FAR1: variants seen among roughly 807,000 people sequenced by gnomAD.
The protein encoded by FAR1 is fatty acyl-CoA reductase 1.
A neutral mutation model predicts 61.1 loss-of-function variants in FAR1; 22 were observed. The ratio of observed to expected loss-of-function variants is 0.36; its 90% confidence interval spans 0.26 to 0.51. The LOEUF is 0.51. Among genes scored for constraint, FAR1 ranks in the 20% least tolerant of loss-of-function variants. The pLI, the probability that FAR1 is intolerant of heterozygous loss-of-function variation, is 0.95. For synonymous variants in FAR1, 206 were observed against 209.7 expected (o/e 0.98, Z 0.15); for missense variants, 359 against 626.9 (o/e 0.57, Z 4.56).
At chr11:13,705,158 C>A (rs1848418926) in intron 3 of FAR1, among the ~76,000 whole-genome samples, 1 of 151,954 alleles carries the variant, frequency 6.6e-6, no homozygotes, top group African/African-American at 2.4e-5. Flanking sequence ...TTTTGTACCC[C>A]CCTCCCAAAA....
In FAR1 at chr11:13,720,302, T is replaced by G. The variant is rs1052062100; in HGVS notation, c.1128-1428T>G. 9 of 152,276 alleles carry G rather than the reference T, an allele frequency of 5.9e-5. No homozygotes were observed. In the South Asian group the frequency reaches 8.3e-4, roughly 14 times the overall value. 9.4% of individuals were successfully genotyped at this position (152,276 alleles called of 1,614,324 possible). A position where few individuals can be genotyped will look rare whatever the true frequency, so the allele number is the denominator to read the frequency against. On this transcript the variant is annotated intron_variant, in intron 9 of 11. Coordinates refer to ENST00000354817, the MANE Select transcript of FAR1 (RefSeq NM_032228.6). ...TGTTAGCTGTGTGTGTGTGTGAGATTTAAGTATGCTAAACTGGCGTGATAG... is the reference window on the plus strand; with the variant it reads ...TGTTAGCTGTGTGTGTGTGTGAGATGTAAGTATGCTAAACTGGCGTGATAG...
intron 1 of FAR1, among the ~76,000 whole-genome samples, chr11:13,679,944 G>T (rs931835212): frequency 6.6e-6 from 1 of 152,060 alleles, no homozygotes; most frequent in East Asian, 1.9e-4. Flanking sequence ...GCCTTGGGGG[G>T]AAGTATTGGG....
At chr11:13,722,616 G>A (rs1848623031) in intron 10 of FAR1, among the ~76,000 whole-genome samples, 1 of 151,900 alleles carries the variant, frequency 6.6e-6, no homozygotes, top group Non-Finnish European at 1.5e-5. Flanking sequence ...TGGGATTACA[G>A]GCACATACCA....
Position 13,728,834 on chromosome 11 carries a change from A to G in FAR1, c.*60A>G, listed in dbSNP as rs1848692743. The G allele has an allele frequency of 1.4e-6, 2 of 1,480,244 alleles. No homozygotes were observed. The highest frequency in any genetic ancestry group is 2.3e-5 in the East Asian group (1 of 43,606). The allele number at this position is 1,480,244 out of a possible 1,614,324, so 91.7% of individuals were successfully genotyped here. A position where few individuals can be genotyped will look rare whatever the true frequency, so the allele number is the denominator to read the frequency against. ...ATGGTGATCTAAATGTACAAAATGT[A>G]AAATGTATAAGTCATCTCACTTTTT... On this transcript the variant is annotated 3_prime_UTR_variant, in exon 12 of 12. Coordinates refer to ENST00000354817, the MANE Select transcript of FAR1 (RefSeq NM_032228.6).
chr11:13,684,358 A>G (rs1351554494), intron 1 of FAR1, among the ~76,000 whole-genome samples: 2 of 152,240 alleles, frequency 1.3e-5, no homozygotes, highest in Non-Finnish European at 2.9e-5. Flanking sequence ...GAAATATTAC[A>G]GATCAGACTG....
chr11:13,711,678 T>C, intron 5 of FAR1, 86 bp from the exon 6 acceptor site: 1 of 971,168 alleles, frequency 1.0e-6, no homozygotes. Context: ...ACCAAGTATA[T>C]ATTTGGGGTT....
At chr11:13,673,450 G>A (rs1848033042) in intron 1 of FAR1, among the ~76,000 whole-genome samples, 1 of 152,182 alleles carries the variant, frequency 6.6e-6, no homozygotes, top group Non-Finnish European at 1.5e-5. Flanking sequence ...ACTTTCCAAG[G>A]TTGGAGAGCT....
chr11:13,726,049 T>C (rs1848664225), intron 10 of FAR1, among the ~76,000 whole-genome samples: 1 of 152,102 alleles, frequency 6.6e-6, no homozygotes. Flanking sequence ...TGTCCTTTAA[T>C]TTAGCAAGGT....
intron 1 of FAR1, among the ~76,000 whole-genome samples, chr11:13,685,188 A>G (rs941559592): frequency 2.0e-5 from 3 of 152,196 alleles, no homozygotes; most frequent in Non-Finnish European, 2.9e-5. Context: ...TAAGGTTGAC[A>G]GTAGACTTTT....
At chr11:13,687,039 G>A (rs1196807851) in intron 1 of FAR1, among the ~76,000 whole-genome samples, 1 of 152,154 alleles carries the variant, frequency 6.6e-6, no homozygotes, top group Non-Finnish European at 1.5e-5. Context: ...GTTTGGACTT[G>A]AACTCCTAGC....
At chr11:13,679,457 T>C (rs1451565896) in intron 1 of FAR1, among the ~76,000 whole-genome samples, 2 of 152,288 alleles carry the variant, frequency 1.3e-5, no homozygotes, top group East Asian at 1.9e-4. Context: ...ACTTAACTAA[T>C]TGTTAGAACT....
intron 8 of FAR1, among the ~76,000 whole-genome samples, chr11:13,713,381 A>G (rs1848521720): frequency 6.6e-6 from 1 of 151,962 alleles, no homozygotes; most frequent in Non-Finnish European, 1.5e-5. Flanking sequence ...TTGCCTATCC[A>G]TAGGCAGTAT....
At chr11:13,708,474 C>CACAT (rs753765140) in intron 4 of FAR1, among the ~76,000 whole-genome samples, 2 of 126,906 alleles carry the variant, frequency 1.6e-5, no homozygotes, top group South Asian at 5.5e-4. Context: ...CACACACACA[C>CACAT]ACATACATTT....
rs1248055609 is a variant in FAR1 at position 13,711,823 on chromosome 11, T to C, written c.768+15T>C. On this transcript the variant is annotated intron_variant, in intron 6 of 11. Transcript: ENST00000354817. ...TCTTTATTGCGGTAAGTAAACCTTT[T>C]GATTTATTTAATATTCTATACATTT... The C allele has an allele frequency of 1.9e-6, 3 of 1,590,752 alleles. No individual in the cohort carries two copies. The highest frequency in any genetic ancestry group is 4.5e-5 in the East Asian group (2 of 44,698).
intron 1 of FAR1, among the ~76,000 whole-genome samples, chr11:13,683,130 C>T (rs201617854): frequency 3.9e-5 from 6 of 152,184 alleles, no homozygotes; most frequent in African/African-American, 4.8e-5. Flanking sequence ...TGGTGGCTCA[C>T]GCCTGTAATC....
In FAR1 at chr11:13,712,919, G is replaced by A. The variant is rs770375619; in HGVS notation, c.888-47G>A. The A allele has an allele frequency of 1.5e-5, 22 of 1,493,388 alleles. 1 individual carries two copies. Among genetic ancestry groups the A allele is most frequent in the African/African-American group, 9.7e-5 (7 of 72,378 alleles). 92.5% of individuals were successfully genotyped at this position (1,493,388 alleles called of 1,614,324 possible). ...ACTATGTAGGACTTAGATTGGATAT[G>A]TTTGGCCTCTTATTATGATTAATTG... On this transcript the variant is annotated intron_variant, in intron 7 of 11. Transcript: ENST00000354817.
At chr11:13,682,398 G>GT (rs1848137408) in intron 1 of FAR1, among the ~76,000 whole-genome samples, 1 of 151,998 alleles carries the variant, frequency 6.6e-6, no homozygotes, top group Admixed American at 6.6e-5. Context: ...CTGTCTTCCT[G>GT]TTTTTTTAAA....
chr11:13,686,872 T>C (rs959988886), intron 1 of FAR1, among the ~76,000 whole-genome samples: 5 of 152,206 alleles, frequency 3.3e-5, no homozygotes, highest in Admixed American at 1.3e-4. Context: ...CAGGTTTATA[T>C]TGAGTGGGGT....
chr11:13,671,112 G>C (rs1847998194), intron 1 of FAR1, among the ~76,000 whole-genome samples: 1 of 152,200 alleles, frequency 6.6e-6, no homozygotes, highest in Non-Finnish European at 1.5e-5. Context: ...TTTGCCCTTA[G>C]TATAACAATA....
Sources: gnomAD v4.1 joint callset for allele counts (sites outside exome capture counted in the v4.1 genomes callset) on GRCh38, gnomAD v4.1.1 for gene constraint, MANE v1.5 for transcripts, NCBI Gene and HGNC (gene_info 2026-07-23, HGNC 2026-07-21) for gene names.